GRIA1: variants seen among roughly 807,000 people sequenced by gnomAD.
GRIA1 encodes glutamate ionotropic receptor AMPA type subunit 1.
A neutral mutation model predicts 99.2 loss-of-function variants in GRIA1; 31 were observed. That is an observed-to-expected ratio of 0.31 (90% CI 0.23 to 0.42). The LOEUF is 0.42. GRIA1 is among the 10% of genes least tolerant of loss of function. The probability of loss-of-function intolerance (pLI) is 1.00; values close to 1 mark genes in which losing one functional copy is unlikely to be tolerated. For synonymous variants in GRIA1, 438 were observed against 432.4 expected (o/e 1.01, Z -0.16); for missense variants, 782 against 1,157.5 (o/e 0.68, Z 4.71).
At chr5:153,805,405 C>A (rs1561875508) in intron 15 of GRIA1, among the ~76,000 whole-genome samples, 1 of 152,158 alleles carries the variant, frequency 6.6e-6, no homozygotes, top group African/African-American at 2.4e-5. Context: ...AGGAGAAAAT[C>A]TCTTACAGGA....
chr5:153,658,612 A>G (rs1261833678), intron 5 of GRIA1, among the ~76,000 whole-genome samples: 1 of 152,232 alleles, frequency 6.6e-6, no homozygotes, highest in Non-Finnish European at 1.5e-5. Context: ...CTTCAGAGGA[A>G]TAATGCAATT....
chr5:153,791,191 T>C (rs2149654710), intron 13 of GRIA1, among the ~76,000 whole-genome samples: 1 of 151,602 alleles, frequency 6.6e-6, no homozygotes, highest in East Asian at 1.9e-4. Context: ...TCCTAGCACT[T>C]TGGGAGGCCG....
chr5:153,564,403 T>C (rs72800798), intron 2 of GRIA1, among the ~76,000 whole-genome samples: 14,725 of 152,228 alleles, frequency 0.097, 789 homozygotes, highest in South Asian at 0.19. Context: ...TTGTGTATTA[T>C]TTACCTGTTG....
intron 11 of GRIA1, among the ~76,000 whole-genome samples, chr5:153,715,966 T>A (rs1292476543): frequency 1.3e-5 from 2 of 152,154 alleles, no homozygotes; most frequent in Non-Finnish European, 2.9e-5. Context: ...GGTCCCTGAA[T>A]GGATTTGGAG....
At chr5:153,772,693 T>C (rs952071177) in intron 13 of GRIA1, among the ~76,000 whole-genome samples, 1 of 152,204 alleles carries the variant, frequency 6.6e-6, no homozygotes, top group African/African-American at 2.4e-5. Context: ...TTTACAAGTT[T>C]GAGCAAAGTT....
chr5:153,709,712 T>G (rs949675646), intron 11 of GRIA1, among the ~76,000 whole-genome samples: 1 of 152,178 alleles, frequency 6.6e-6, no homozygotes, highest in South Asian at 2.1e-4. Flanking sequence ...GGAAAAAAAG[T>G]GTTGCCTTCT....
intron 5 of GRIA1, among the ~76,000 whole-genome samples, chr5:153,659,610 C>G (rs1256643426): frequency 6.6e-6 from 1 of 152,278 alleles, no homozygotes; most frequent in Non-Finnish European, 1.5e-5. Context: ...AACAGAGGAC[C>G]TGTGGACCTC....
At chr5:153,712,568 C>T (rs1428559193) in intron 11 of GRIA1, among the ~76,000 whole-genome samples, 1 of 152,222 alleles carries the variant, frequency 6.6e-6, no homozygotes, top group Non-Finnish European at 1.5e-5. Flanking sequence ...TGTGCAAACC[C>T]ATTTCTCTTG....
chr5:153,628,801 T>TC (rs1767877913), intron 2 of GRIA1, among the ~76,000 whole-genome samples: 1 of 152,210 alleles, frequency 6.6e-6, no homozygotes, highest in Non-Finnish European at 1.5e-5. Flanking sequence ...CTCTTCCTGT[T>TC]CTAAAGTCCT....
chr5:153,724,012 A>G (rs1247473374), intron 11 of GRIA1, among the ~76,000 whole-genome samples: 1 of 152,188 alleles, frequency 6.6e-6, no homozygotes, highest in Non-Finnish European at 1.5e-5. Flanking sequence ...GGGCAGGCTG[A>G]TACCTCACAC....
At chr5:153,660,887 G>A (rs996979885) in intron 5 of GRIA1, among the ~76,000 whole-genome samples, 1 of 152,184 alleles carries the variant, frequency 6.6e-6, no homozygotes, top group Non-Finnish European at 1.5e-5. Flanking sequence ...TTTCTAGTGT[G>A]ACAGAAGCTG....
At chr5:153,750,597 C>T (rs1201725938) in intron 11 of GRIA1, among the ~76,000 whole-genome samples, 1 of 152,158 alleles carries the variant, frequency 6.6e-6, no homozygotes, top group Non-Finnish European at 1.5e-5. Flanking sequence ...CCCCAAGTGT[C>T]TGCTTTCCTG....
At chr5:153,731,295 C>T (rs370163808) in intron 11 of GRIA1, among the ~76,000 whole-genome samples, 33 of 151,680 alleles carry the variant, frequency 2.2e-4, no homozygotes, top group African/African-American at 8.0e-4. Context: ...CTGTTCCATT[C>T]CAAACTCCTG....
intron 5 of GRIA1, among the ~76,000 whole-genome samples, chr5:153,669,553 A>G (rs1755996365): frequency 6.6e-6 from 1 of 152,208 alleles, no homozygotes; most frequent in African/African-American, 2.4e-5. Context: ...CTTTCCAGTG[A>G]CTAATGGATG....
chr5:153,496,439 G>T (rs1754433769), intron 2 of GRIA1, among the ~76,000 whole-genome samples: 1 of 152,208 alleles, frequency 6.6e-6, no homozygotes, highest in African/African-American at 2.4e-5. Flanking sequence ...TTGCTCTCAG[G>T]TAGCTTACAG....
chr5:153,808,942 G>T (rs1171662155), intron 15 of GRIA1, among the ~76,000 whole-genome samples: 1 of 152,190 alleles, frequency 6.6e-6, no homozygotes. Context: ...AAGCACCAAT[G>T]TTGACTAGGT....
intron 2 of GRIA1, among the ~76,000 whole-genome samples, chr5:153,630,344 G>C (rs370610045): frequency 6.6e-6 from 1 of 151,942 alleles, no homozygotes; most frequent in Non-Finnish European, 1.5e-5. Flanking sequence ...TCTTTTCTTA[G>C]ATATGTGAGG....
At chr5:153,677,979 C>G (rs1221139814) in intron 7 of GRIA1, among the ~76,000 whole-genome samples, 1 of 152,172 alleles carries the variant, frequency 6.6e-6, no homozygotes, top group East Asian at 1.9e-4. Flanking sequence ...GCTAGAGAAG[C>G]TGTATTTCCG....
At chr5:153,552,183 G>A (rs902667026) in intron 2 of GRIA1, among the ~76,000 whole-genome samples, 3 of 150,686 alleles carry the variant, frequency 2.0e-5, no homozygotes, top group Non-Finnish European at 2.9e-5. Context: ...TTGACTTTGC[G>A]ATCAACATTA....
Sources: allele counts gnomAD v4.1 joint callset (sites outside exome capture counted in the v4.1 genomes callset), GRCh38; gene constraint gnomAD v4.1.1; transcripts MANE v1.5; gene names NCBI Gene and HGNC (gene_info 2026-07-23, HGNC 2026-07-21).